Variants in WWC2 observed in about 807,000 individuals in gnomAD.
WWC2 encodes the protein WW and C2 domain containing 2.
Under a neutral mutation model 138.5 loss-of-function variants are expected in WWC2, and 101 were observed. The observed-to-expected ratio is 0.73, with a 90% CI of 0.62 to 0.86. The LOEUF (loss-of-function observed/expected upper bound fraction) is 0.86, where lower values mean the gene tolerates loss of function less well. Ranked by LOEUF, WWC2 falls within the 40% of genes least tolerant of loss-of-function variation. WWC2 has a pLI of 0.00. For synonymous variants in WWC2, 558 were observed against 538.4 expected (o/e 1.04, Z -0.50); for missense variants, 1,420 against 1,419.4 (o/e 1.00, Z -0.01).
intron 1 of WWC2, among the ~76,000 whole-genome samples, chr4:183,164,368 T>A (rs867871844): frequency 2.5e-3 from 19 of 7,496 alleles, no homozygotes; most frequent in Admixed American, 3.5e-3. Flanking sequence ...ATATATATAT[T>A]ATATATACAT....
intron 4 of WWC2, among the ~76,000 whole-genome samples, chr4:183,237,298 A>ATT (rs112907901): frequency 1.4e-5 from 2 of 141,594 alleles, no homozygotes. Flanking sequence ...TTTAGGACTG[A>ATT]TTTTTTTTTT....
intron 20 of WWC2, among the ~76,000 whole-genome samples, chr4:183,286,524 G>T (rs1414808807): frequency 6.6e-6 from 1 of 152,148 alleles, no homozygotes; most frequent in Non-Finnish European, 1.5e-5. Context: ...ACTCATGTGG[G>T]TGGGCAGCTC....
At chr4:183,246,704 C>A (rs1736791858) in intron 6 of WWC2, among the ~76,000 whole-genome samples, 1 of 152,144 alleles carries the variant, frequency 6.6e-6, no homozygotes, top group Admixed American at 6.5e-5. Context: ...TAAAGTCATA[C>A]AGCTGGTAAG....
At chr4:183,114,529 T>C (rs1732349995) in intron 1 of WWC2, among the ~76,000 whole-genome samples, 1 of 152,106 alleles carries the variant, frequency 6.6e-6, no homozygotes, top group Non-Finnish European at 1.5e-5. Flanking sequence ...ATAGGTAGTA[T>C]TTGAAGTTGT....
chr4:183,210,593 T>C (rs1735569444), intron 4 of WWC2, among the ~76,000 whole-genome samples: 1 of 152,192 alleles, frequency 6.6e-6, no homozygotes, highest in Admixed American at 6.5e-5. Context: ...AATACAACCA[T>C]GGCTCACTTA....
chr4:183,203,463 CACTTT>C (rs1377843360), intron 2 of WWC2: 1 of 152,154 alleles, frequency 6.6e-6, no homozygotes, highest in Admixed American at 6.5e-5. Flanking sequence ...CTTATTGGAA[CACTTT>C]CCTTTTATAT....
intron 4 of WWC2, among the ~76,000 whole-genome samples, chr4:183,214,505 T>C (rs1735692881): frequency 6.6e-6 from 1 of 151,976 alleles, no homozygotes. Context: ...TAAAAAGAAA[T>C]ATGCTGGCCA....
At chr4:183,227,770 A>G (rs1173917342) in intron 4 of WWC2, among the ~76,000 whole-genome samples, 1 of 152,054 alleles carries the variant, frequency 6.6e-6, no homozygotes, top group African/African-American at 2.4e-5. Flanking sequence ...GAAAATAACC[A>G]TTAACCAGAA....
chr4:183,228,872 A>T lies in WWC2; in HGVS notation c.523-11311A>T, dbSNP rs115764457. Among the ~76,000 whole-genome samples the T allele has an allele frequency of 2.4e-3, 367 of 152,214 alleles. 6 individuals are homozygous for T. The highest frequency in any genetic ancestry group is 8.6e-3 in the African/African-American group (356 of 41,454). On this transcript the variant is annotated intron_variant, in intron 4 of 22. Coordinates refer to ENST00000403733, the MANE Select transcript of WWC2 (RefSeq NM_024949.6). ...ATGGATGAATGCATTGTGTATGGTC[A>T]TGCAGTAGAAGCTCATCTAGCAATG...
rs563740551 is a variant in WWC2 at position 183,304,823 on chromosome 4, C to T, written c.3385-7518C>T. 5.3e-5 allele frequency among the ~76,000 whole-genome samples: 8 copies of T among 152,330 alleles called. No individual in the cohort carries two copies. The East Asian group carries it at 1.5e-3, about 29-fold the overall frequency. ...AAAGGCTGTTTGCCAGAATATCTTT[C>T]ACCTAGTATATTACGTCTGGGTTTG... On this transcript the variant is annotated intron_variant, in intron 21 of 22. Transcript: ENST00000403733.
At chr4:183,134,835 T>C (rs1579972983) in intron 1 of WWC2, among the ~76,000 whole-genome samples, 1 of 152,216 alleles carries the variant, frequency 6.6e-6, no homozygotes, top group East Asian at 1.9e-4. Flanking sequence ...ATAACTACAC[T>C]AACTTTTAGT....
intron 1 of WWC2, among the ~76,000 whole-genome samples, chr4:183,173,723 C>T (rs370254204): frequency 1.1e-4 from 16 of 151,930 alleles, no homozygotes; most frequent in African/African-American, 3.6e-4. Context: ...CTCCACACTG[C>T]GGGGGGCCAG....
rs1196381949 is a variant in WWC2 at position 183,284,310 on chromosome 4, C to T, written c.2968C>T (p.Gln990Ter). 1 of 1,613,892 alleles carries T rather than the reference C, an allele frequency of 6.2e-7. No individual in the cohort carries two copies. The highest frequency in any genetic ancestry group is 8.5e-7 in the Non-Finnish European group (1 of 1,179,906). Residue 990 changes from glutamine to a stop codon, truncating the protein, a stop_gained, in exon 19 of 23, where the codon CAG becomes TAG. Coordinates refer to ENST00000403733, the MANE Select transcript of WWC2 (RefSeq NM_024949.6). LOFTEE classifies it high-confidence loss of function. ...AGAGCGCAGCAGCCTGAGCTCTAGA[C>T]AGCATCCGTTTGTGAGGAGCAGTGT... Reference protein sequence around the residue: ...PKERSSLSSRQHPFVRSSVIV... With the variant: ...PKERSSLSSR
intron 1 of WWC2, among the ~76,000 whole-genome samples, chr4:183,139,536 T>C (rs1733229242): frequency 1.3e-5 from 2 of 152,086 alleles, no homozygotes; most frequent in Non-Finnish European, 2.9e-5. Flanking sequence ...TGTGTACTTC[T>C]TTTTTTCCTC....
chr4:183,153,819 A>G (rs542590802), intron 1 of WWC2, among the ~76,000 whole-genome samples: 1 of 151,172 alleles, frequency 6.6e-6, no homozygotes, highest in Non-Finnish European at 1.5e-5. Flanking sequence ...CTAATTTTGT[A>G]TTTTTTATAG....
intron 4 of WWC2, among the ~76,000 whole-genome samples, chr4:183,216,352 C>G (rs537689348): frequency 6.4e-4 from 98 of 152,268 alleles, no homozygotes; most frequent in Non-Finnish European, 1.1e-3. Flanking sequence ...CAAGAGTCGT[C>G]AGCTGGATGA....
At chr4:183,100,676 A>G (rs1743150872) in intron 1 of WWC2, among the ~76,000 whole-genome samples, 1 of 152,224 alleles carries the variant, frequency 6.6e-6, no homozygotes, top group African/African-American at 2.4e-5. Context: ...TGAAGCTGAA[A>G]TACCTAACTA....
At chr4:183,189,160 C>A (rs1050898443) in intron 1 of WWC2, among the ~76,000 whole-genome samples, 4 of 151,752 alleles carry the variant, frequency 2.6e-5, no homozygotes, top group African/African-American at 7.3e-5. Context: ...GTTGGCCAGG[C>A]GCAGTGGCTC....
intron 17 of WWC2, 28 bp downstream of exon 17, chr4:183,280,925 G>C: frequency 6.5e-7 from 1 of 1,542,382 alleles, no homozygotes; most frequent in Non-Finnish European, 8.7e-7. Flanking sequence ...TTTGCTGTTG[G>C]GAGCTCAAAG....
Sources: gnomAD v4.1 joint callset for allele counts (sites outside exome capture counted in the v4.1 genomes callset) on GRCh38, gnomAD v4.1.1 for gene constraint, MANE v1.5 for transcripts, NCBI Gene and HGNC (gene_info 2026-07-23, HGNC 2026-07-21) for gene names.